CNTNAP2: variants seen among roughly 807,000 people sequenced by gnomAD.
CNTNAP2 encodes contactin-associated protein-like 2.
In CNTNAP2, 98 loss-of-function variants were observed where a neutral mutation model predicts 155.2. That is an observed-to-expected ratio of 0.63 (90% CI 0.54 to 0.75). The LOEUF (loss-of-function observed/expected upper bound fraction) is 0.75, where lower values mean the gene tolerates loss of function less well. Ranked by LOEUF, CNTNAP2 falls within the 30% of genes least tolerant of loss-of-function variation. The probability of loss-of-function intolerance (pLI) is 0.00; values close to 1 mark genes in which losing one functional copy is unlikely to be tolerated. For missense variants in CNTNAP2, 1,727 were observed against 1,688.1 expected (o/e 1.02, Z -0.40); for synonymous variants, 651 against 631.2 (o/e 1.03, Z -0.47).
chr7:148,035,574 A>T (rs563152921), intron 15 of CNTNAP2, among the ~76,000 whole-genome samples: 2 of 152,300 alleles, frequency 1.3e-5, no homozygotes, highest in South Asian at 4.2e-4. Context: ...CACACAAAGT[A>T]CATTAGCTGT....
At chr7:146,932,847 A>T (rs947046500) in intron 3 of CNTNAP2, among the ~76,000 whole-genome samples, 1 of 152,040 alleles carries the variant, frequency 6.6e-6, no homozygotes. Context: ...ATTGCTTCAA[A>T]GAAAAAAAAA....
chr7:147,249,931 A>G (rs1804157185), intron 8 of CNTNAP2, among the ~76,000 whole-genome samples: 1 of 152,180 alleles, frequency 6.6e-6, no homozygotes, highest in African/African-American at 2.4e-5. Flanking sequence ...CCTGTGGATT[A>G]GGTATTTTCT....
intron 1 of CNTNAP2, among the ~76,000 whole-genome samples, chr7:146,252,490 C>T (rs576209971): frequency 1.3e-5 from 2 of 152,252 alleles, no homozygotes; most frequent in African/African-American, 4.8e-5. Flanking sequence ...ACCACTTCTA[C>T]TCTGTTTTCG....
rs542925014 is a variant in CNTNAP2, at chr7:146,352,757, T to G, written c.97+235784T>G. ...TTCAATTAGCATAATTCTGTTTTTT[T>G]TTTTTTTTTTTTTTCGAGACAGAGT... On this transcript the variant is annotated intron_variant, in intron 1 of 23. Transcript: ENST00000361727. Among the ~76,000 whole-genome samples the G allele has an allele frequency of 7.6e-5, 9 of 118,578 alleles. No homozygotes were observed. The East Asian group carries it at 1.8e-3, about 24-fold the overall frequency. The allele number at this position is 118,578 out of a possible 152,430, so 77.8% of individuals were successfully genotyped here. A position where few individuals can be genotyped will look rare whatever the true frequency, so the allele number is the denominator to read the frequency against.
At chr7:147,370,251 C>A (rs540973934) in intron 9 of CNTNAP2, among the ~76,000 whole-genome samples, 2 of 152,262 alleles carry the variant, frequency 1.3e-5, no homozygotes, top group African/African-American at 2.4e-5. Context: ...ATGACGTGTC[C>A]ATGACAACAG....
chr7:147,594,423 A>G (rs184959482), intron 12 of CNTNAP2, among the ~76,000 whole-genome samples: 5 of 152,188 alleles, frequency 3.3e-5, no homozygotes, highest in African/African-American at 7.2e-5. Context: ...AGCTCTCACC[A>G]TATGTAACAG....
At chr7:147,870,837 T>A (rs993445147) in intron 13 of CNTNAP2, among the ~76,000 whole-genome samples, 2 of 152,066 alleles carry the variant, frequency 1.3e-5, no homozygotes, top group Non-Finnish European at 2.9e-5. Flanking sequence ...AGAGACATTG[T>A]GGATGGCGAG....
intron 15 of CNTNAP2, among the ~76,000 whole-genome samples, chr7:148,078,613 T>A (rs1803540998): frequency 6.6e-6 from 1 of 152,138 alleles, no homozygotes; most frequent in Non-Finnish European, 1.5e-5. Context: ...CCTGAGTAGT[T>A]GGGATTACAG....
At chr7:146,392,118 A>G (rs369955525) in intron 1 of CNTNAP2, among the ~76,000 whole-genome samples, 3 of 152,342 alleles carry the variant, frequency 2.0e-5, no homozygotes, top group African/African-American at 7.2e-5. Flanking sequence ...AGAATAACCT[A>G]GAATTTAGTA....
intron 15 of CNTNAP2, among the ~76,000 whole-genome samples, chr7:148,035,924 G>T (rs553864567): frequency 6.6e-6 from 1 of 152,254 alleles, no homozygotes; most frequent in South Asian, 2.1e-4. Context: ...ACTTTATTCT[G>T]GAGTCTTAAG....
intron 20 of CNTNAP2, among the ~76,000 whole-genome samples, chr7:148,238,090 C>T (rs1035549825): frequency 6.6e-6 from 1 of 152,202 alleles, no homozygotes; most frequent in Admixed American, 6.5e-5. Flanking sequence ...GTGGCTCACG[C>T]CTGTAATCCC....
At chr7:146,538,127 G>A (rs75486370) in intron 1 of CNTNAP2, among the ~76,000 whole-genome samples, 9,968 of 152,116 alleles carry the variant, frequency 0.066, 377 homozygotes, top group Non-Finnish European at 0.085. Flanking sequence ...CACAGTAATC[G>A]CAACAAAGGT....
chr7:147,708,183 G>A (rs1796346444), intron 13 of CNTNAP2, among the ~76,000 whole-genome samples: 1 of 152,204 alleles, frequency 6.6e-6, no homozygotes, highest in Non-Finnish European at 1.5e-5. Flanking sequence ...CATGTGTTTA[G>A]GGAACACACA....
chr7:146,449,065 T>C (rs926742058), intron 1 of CNTNAP2, among the ~76,000 whole-genome samples: 23 of 152,256 alleles, frequency 1.5e-4, no homozygotes, highest in African/African-American at 4.8e-4. Flanking sequence ...TACCATTCTT[T>C]CTTCTAATTT....
chr7:147,082,048 T>A (rs1375389459), intron 4 of CNTNAP2: 1 of 152,126 alleles, frequency 6.6e-6, no homozygotes, highest in African/African-American at 2.4e-5. Context: ...CACTTATTCA[T>A]TGGTCTGTTC....
chr7:148,102,795 C>A (rs1022600018), intron 15 of CNTNAP2, among the ~76,000 whole-genome samples: 1 of 152,076 alleles, frequency 6.6e-6, no homozygotes, highest in Non-Finnish European at 1.5e-5. Flanking sequence ...GCTGTGGTAA[C>A]CATTGTTGAA....
chr7:146,770,544 T>C (rs746728788), intron 1 of CNTNAP2, among the ~76,000 whole-genome samples: 1 of 152,060 alleles, frequency 6.6e-6, no homozygotes, highest in Non-Finnish European at 1.5e-5. Context: ...ATAATAATTT[T>C]GCAGTCACCT....
At chr7:147,851,099 C>A (rs996747897) in intron 13 of CNTNAP2, among the ~76,000 whole-genome samples, 13 of 152,262 alleles carry the variant, frequency 8.5e-5, no homozygotes, top group South Asian at 2.1e-4. Flanking sequence ...ACCCCATCAA[C>A]AAGTGGGCGA....
chr7:147,361,187 C>G (rs1796142550), intron 9 of CNTNAP2, among the ~76,000 whole-genome samples: 1 of 152,124 alleles, frequency 6.6e-6, no homozygotes, highest in Admixed American at 6.5e-5. Flanking sequence ...ATTTGGAAAG[C>G]AATTATGAAA....
Sources: allele counts gnomAD v4.1 joint callset (sites outside exome capture counted in the v4.1 genomes callset), GRCh38; gene constraint gnomAD v4.1.1; transcripts MANE v1.5; gene names NCBI Gene and HGNC (gene_info 2026-07-23, HGNC 2026-07-21).